The following KAZN variants were observed in gnomAD, a reference collection of about 807,000 sequenced individuals.
KAZN encodes kazrin.
In KAZN, 40 loss-of-function variants were observed where a neutral mutation model predicts 87.4. That is an observed-to-expected ratio of 0.46 (90% CI 0.36 to 0.60). The LOEUF (loss-of-function observed/expected upper bound fraction) is 0.60, where lower values mean the gene tolerates loss of function less well. Among genes scored for constraint, KAZN ranks in the 20% least tolerant of loss-of-function variants. KAZN has a pLI of 0.00. For missense variants in KAZN, 898 were observed against 1,073.9 expected (o/e 0.84, Z 2.29); for synonymous variants, 466 against 458.3 (o/e 1.02, Z -0.22).
At chr1:14,356,424 G>T (rs1411059326) in intron 2 of KAZN, among the ~76,000 whole-genome samples, 1 of 152,122 alleles carries the variant, frequency 6.6e-6, no homozygotes, top group African/African-American at 2.4e-5. Flanking sequence ...AAGCTCTTTA[G>T]TTTAATTAGA....
At chr1:14,027,797 T>C (rs1377350942) in intron 1 of KAZN, among the ~76,000 whole-genome samples, 2 of 152,208 alleles carry the variant, frequency 1.3e-5, no homozygotes, top group African/African-American at 4.8e-5. Context: ...ATTTTTGTTA[T>C]TGTTTTCTTT....
At chr1:14,074,479 T>C (rs984497043) in intron 1 of KAZN, among the ~76,000 whole-genome samples, 2 of 152,190 alleles carry the variant, frequency 1.3e-5, no homozygotes, top group East Asian at 1.9e-4. Flanking sequence ...GGGATGGACC[T>C]GGGGAAAAGC....
At chr1:14,272,721 G>T (rs1016412872) in intron 2 of KAZN, among the ~76,000 whole-genome samples, 2 of 152,076 alleles carry the variant, frequency 1.3e-5, no homozygotes, top group Non-Finnish European at 2.9e-5. Flanking sequence ...AGCTGGGCAT[G>T]GTGGCGGGTG....
intron 1 of KAZN, among the ~76,000 whole-genome samples, chr1:14,009,606 G>C (rs749594730): frequency 1.1e-4 from 17 of 152,220 alleles, no homozygotes; most frequent in Non-Finnish European, 2.2e-4. Context: ...AGGGCACAGA[G>C]AGGTCAAGTT....
chr1:14,894,488 G>C (rs1655049146), intron 1 of KAZN, among the ~76,000 whole-genome samples: 1 of 152,248 alleles, frequency 6.6e-6, no homozygotes. Flanking sequence ...GGGACGTCAA[G>C]GGTGTAGAGT....
intron 1 of KAZN, among the ~76,000 whole-genome samples, chr1:14,920,902 T>A (rs1658440082): frequency 6.6e-6 from 1 of 151,992 alleles, no homozygotes; most frequent in Admixed American, 6.6e-5. Flanking sequence ...AGCAGAAACA[T>A]CTCCTGGGCT....
At chr1:14,208,556 T>C (rs1001811430) in intron 2 of KAZN, among the ~76,000 whole-genome samples, 1 of 152,154 alleles carries the variant, frequency 6.6e-6, no homozygotes, top group Non-Finnish European at 1.5e-5. Context: ...GAGAGATAGA[T>C]AATAAATGAA....
At chr1:14,733,402 G>A (rs1013764795) in intron 1 of KAZN, among the ~76,000 whole-genome samples, 19 of 152,112 alleles carry the variant, frequency 1.2e-4, no homozygotes, top group African/African-American at 4.3e-4. Context: ...CCCACCCGCC[G>A]TGCAATATTG....
At chr1:14,998,346 T>C (rs930273201) in intron 2 of KAZN, among the ~76,000 whole-genome samples, 2 of 152,006 alleles carry the variant, frequency 1.3e-5, no homozygotes, top group Admixed American at 1.3e-4. Context: ...AGGATGTTGC[T>C]CTCAGAAGAC....
chr1:14,051,712 C>T (rs1255602053), intron 1 of KAZN, among the ~76,000 whole-genome samples: 2 of 152,052 alleles, frequency 1.3e-5, no homozygotes, highest in Non-Finnish European at 2.9e-5. Flanking sequence ...TGGTGGCATG[C>T]ACATGTAGTC....
chr1:13,923,147 G>A (rs1434559344), intron 1 of KAZN, among the ~76,000 whole-genome samples: 1 of 152,172 alleles, frequency 6.6e-6, no homozygotes, highest in East Asian at 1.9e-4. Flanking sequence ...ATAGCCTACT[G>A]CTGACCGGAA....
intron 1 of KAZN, among the ~76,000 whole-genome samples, chr1:14,149,921 ATAT>A (rs1219433134): frequency 1.3e-5 from 2 of 152,208 alleles, no homozygotes. Context: ...AATGATGAAA[ATAT>A]TATATATTCT....
intron 1 of KAZN, among the ~76,000 whole-genome samples, chr1:14,121,070 A>C (rs1235762721): frequency 2.6e-5 from 4 of 152,184 alleles, no homozygotes; most frequent in East Asian, 1.9e-4. Flanking sequence ...TGCCCAACCC[A>C]GGGGAAGCAG....
intron 2 of KAZN, among the ~76,000 whole-genome samples, chr1:14,296,310 A>C (rs1654106530): frequency 2.6e-5 from 4 of 152,162 alleles, no homozygotes; most frequent in Admixed American, 2.6e-4. Context: ...TAATTATTTC[A>C]GCTCCTCCGT....
At position 14,418,226 on chromosome 1, in the gene KAZN, A is replaced by G. The variant is rs183703568; in HGVS notation, c.250-180757A>G. Among the ~76,000 whole-genome samples the G allele has an allele frequency of 7.2e-4, 109 of 152,132 alleles. No individual in the cohort carries two copies. The South Asian group carries it at 0.011, about 15-fold the overall frequency. ...AGATATTAGGAGCTCAAATTCAGGAAGATCTGAGTTCAGATTTTTAACTCC... is the reference window on the plus strand; with the variant it reads ...AGATATTAGGAGCTCAAATTCAGGAGGATCTGAGTTCAGATTTTTAACTCC... On this transcript the variant is annotated intron_variant, in intron 2 of 16. Transcript: ENST00000636203.
intron 2 of KAZN, among the ~76,000 whole-genome samples, chr1:15,026,008 T>G (rs1245754250): frequency 1.3e-5 from 2 of 151,792 alleles, no homozygotes; most frequent in African/African-American, 4.9e-5. Context: ...CTCACCTTAC[T>G]CATCTTTGAA....
intron 1 of KAZN, among the ~76,000 whole-genome samples, chr1:14,617,319 G>A (rs111399750): frequency 3.0e-4 from 45 of 152,226 alleles, no homozygotes; most frequent in African/African-American, 9.6e-4. Flanking sequence ...ACACTACATC[G>A]TAGCCTATTA....
chr1:14,129,061 G>A (rs1644935316), intron 1 of KAZN, among the ~76,000 whole-genome samples: 1 of 152,134 alleles, frequency 6.6e-6, no homozygotes, highest in African/African-American at 2.4e-5. Flanking sequence ...GCTCAACCAA[G>A]GCCTCCTAAA....
At chr1:14,496,817 C>T (rs1044510432) in intron 2 of KAZN, among the ~76,000 whole-genome samples, 3 of 151,350 alleles carry the variant, frequency 2.0e-5, no homozygotes, top group Non-Finnish European at 4.4e-5. Context: ...AAACATGTAG[C>T]ATCAGCATTT....
Sources: allele counts gnomAD v4.1 joint callset (sites outside exome capture counted in the v4.1 genomes callset), GRCh38; gene constraint gnomAD v4.1.1; transcripts MANE v1.5; gene names NCBI Gene and HGNC (gene_info 2026-07-23, HGNC 2026-07-21).